Variants in SF3B1 observed in about 807,000 individuals in gnomAD.
SF3B1 encodes splicing factor 3b subunit 1, also known as pre-mRNA processing 10.
SF3B1 carries 12 observed loss-of-function variants against 153.8 expected under a neutral mutation model. The ratio of observed to expected loss-of-function variants is 0.08; its 90% CI spans 0.05 to 0.13. The LOEUF (loss-of-function observed/expected upper bound fraction) is 0.13. Among genes scored for constraint, SF3B1 ranks in the 10% least tolerant of loss-of-function variants. SF3B1 has a pLI of 1.00. For missense variants in SF3B1, 513 were observed against 1,606.1 expected (o/e 0.32, Z 11.63); for synonymous variants, 498 against 525.2 (o/e 0.95, Z 0.71).
intron 6 of SF3B1, among the ~76,000 whole-genome samples, chr2:197,411,285 AGAGTT>A (rs903132108): frequency 3.9e-5 from 6 of 152,242 alleles, no homozygotes; most frequent in Non-Finnish European, 7.3e-5. Context: ...AAAGTAGCAT[AGAGTT>A]GAGTGTAAAG....
At chr2:197,427,895 T>G (rs1194805732) in intron 1 of SF3B1, among the ~76,000 whole-genome samples, 1 of 151,980 alleles carries the variant, frequency 6.6e-6, no homozygotes, top group Non-Finnish European at 1.5e-5. Context: ...GGTGGGTGCC[T>G]GGAATCCCAG....
intron 1 of SF3B1, among the ~76,000 whole-genome samples, chr2:197,430,617 C>A (rs1427861070): frequency 2.6e-5 from 4 of 152,186 alleles, no homozygotes; most frequent in Non-Finnish European, 5.9e-5. Flanking sequence ...CCAAACCCAG[C>A]TAATTTTTTT....
In SF3B1 at chr2:197,398,465, C is replaced by A; in HGVS notation, c.3130G>T (p.Asp1044Tyr). 1 of 1,613,488 alleles carries A rather than the reference C, an allele frequency of 6.2e-7. No individual in the cohort carries two copies. Among genetic ancestry groups the A allele is most frequent in the South Asian group, 1.1e-5 (1 of 90,988 alleles). The change falls in exon 21 of 25, where the codon GAC (aspartate) becomes TAC (tyrosine). Residue 1044 changes from aspartate (D) to tyrosine (Y), a missense_variant. By Grantham distance (160) the Asp-to-Tyr change is radical (BLOSUM62 -3). Around this residue, in one of 21 missense-constraint regions of SF3B1, gnomAD observed 17 missense variants for 246.2 expected, o/e 0.07. Transcript: ENST00000335508. ...ATGTGTGGGTAATCTGCTTACCTGT[C>A]AGCAATACGACCAACAAGATCAATA... Reference protein sequence around the residue: ...NCIDLVGRIADRGAEYVSARE... With the variant: ...NCIDLVGRIAYRGAEYVSARE...
At position 197,402,662 on chromosome 2, in the gene SF3B1, G is replaced by A. The variant is rs182621506; in HGVS notation, c.1971C>T (p.Ser657=). ...TAATACCAGTGTGTCTCGCTTGCCA[G>A]GACTTCTTGCTTTTGCACACAGCTT... ...FLKAVCKSKK[S]WQARHTGIKI... is the part of the protein sequence containing the mutation. The change falls in exon 14 of 25, where the codon TCC becomes TCT. Residue 657 remains serine, a synonymous_variant. Coordinates refer to ENST00000335508, the MANE Select transcript of SF3B1 (RefSeq NM_012433.4). This position sits in a 1 kb window ranked among gnomAD's most constrained non-coding sequence, Gnocchi z 4.6. 1.2e-6 allele frequency: 2 copies of A among 1,614,162 alleles called. No individual in the cohort carries two copies. Among genetic ancestry groups the A allele is most frequent in the Admixed American group, 3.3e-5 (2 of 60,014 alleles).
chr2:197,431,960 A>G (rs954166758), intron 1 of SF3B1, among the ~76,000 whole-genome samples: 5 of 152,016 alleles, frequency 3.3e-5, no homozygotes, highest in Non-Finnish European at 7.4e-5. Flanking sequence ...CCATCTCTAA[A>G]AAAAAATTGT....
intron 1 of SF3B1, among the ~76,000 whole-genome samples, chr2:197,428,185 C>T (rs752443319): frequency 4.6e-5 from 7 of 151,850 alleles, no homozygotes; most frequent in Non-Finnish European, 8.8e-5. Flanking sequence ...TTAGTCACTA[C>T]AGGTGCACAC....
chr2:197,416,047 G>C (rs1313007218), intron 6 of SF3B1, among the ~76,000 whole-genome samples: 4 of 138,586 alleles, frequency 2.9e-5, no homozygotes. Flanking sequence ...CAAACTCCTT[G>C]AGCTCAACCA....
At position 197,409,747 on chromosome 2, in the gene SF3B1, C is replaced by T. The variant is rs779610343; in HGVS notation, c.904+23G>A. On this transcript the variant is annotated intron_variant, in intron 7 of 24. Coordinates refer to ENST00000335508, the MANE Select transcript of SF3B1 (RefSeq NM_012433.4). ...CATATCACTCAACATTTCACCCACACACCCATACTCCACTAGAAGTACCTC... is the reference window on the plus strand; with the variant it reads ...CATATCACTCAACATTTCACCCACATACCCATACTCCACTAGAAGTACCTC... 21 of 1,543,926 alleles carry T rather than the reference C, an allele frequency of 1.4e-5. 1 individual carries two copies. In the Admixed American group the frequency reaches 3.5e-4, roughly 26 times the overall value.
chr2:197,392,835 G>GT, intron 24 of SF3B1, 137 bp downstream of exon 24: 1 of 623,858 alleles, frequency 1.6e-6, no homozygotes, highest in Non-Finnish European at 2.8e-6. Context: ...TAGATGACAG[G>GT]TTGATAGGTG....
intron 9 of SF3B1, among the ~76,000 whole-genome samples, chr2:197,406,104 G>A: frequency 6.9e-6 from 1 of 145,320 alleles, no homozygotes; most frequent in Non-Finnish European, 1.5e-5. Context: ...TTTTAAAGCT[G>A]GTAACAGACT....
At chr2:197,434,853 C>G in intron 1 of SF3B1, 119 bp downstream of exon 1, 1 of 1,115,426 alleles carries the variant, frequency 9.0e-7, no homozygotes, top group Non-Finnish European at 1.3e-6. Context: ...GACCCTTGGC[C>G]CCGAAACGCG....
At chr2:197,393,859 G>A (rs1213762108) in intron 23 of SF3B1, among the ~76,000 whole-genome samples, 1 of 152,184 alleles carries the variant, frequency 6.6e-6, no homozygotes, top group East Asian at 1.9e-4. Context: ...ATAATAAACA[G>A]TAATATTTTA....
rs1559260870 is a variant in SF3B1, at chr2:197,390,033, G to A, written c.*2270C>T. On this transcript the variant is annotated 3_prime_UTR_variant, in exon 25 of 25. Transcript: ENST00000335508. Reference sequence around the variant, plus strand: ...AAAGAAAAGGTCTTTGAGAAGATAGGTAAAACTTCACATAGCGTCTTCCAC... The same window carrying A: ...AAAGAAAAGGTCTTTGAGAAGATAGATAAAACTTCACATAGCGTCTTCCAC... 1 of 152,152 alleles carries A rather than the reference G, an allele frequency of 6.6e-6. No homozygotes were observed. Among genetic ancestry groups the A allele is most frequent in the African/African-American group, 2.4e-5 (1 of 41,422 alleles). The allele number at this position is 152,152 out of a possible 1,614,324, so 9.4% of individuals were successfully genotyped here.
chr2:197,403,182 C>A, intron 12 of SF3B1, 147 bp from the exon 13 acceptor site: 2 of 649,906 alleles, frequency 3.1e-6, no homozygotes, highest in South Asian at 4.1e-5. Context: ...TTTAATTATA[C>A]AAGTTCAAAC....
intron 1 of SF3B1, among the ~76,000 whole-genome samples, chr2:197,434,700 G>C (rs1351088969): frequency 6.6e-6 from 1 of 152,178 alleles, no homozygotes; most frequent in Admixed American, 6.5e-5. Context: ...TGAGGAAGCC[G>C]CTTAAACGAG....
At chr2:197,425,054 G>A (rs1057310561) in intron 1 of SF3B1, among the ~76,000 whole-genome samples, 2 of 152,244 alleles carry the variant, frequency 1.3e-5, no homozygotes, top group Admixed American at 6.5e-5. Context: ...AGCTACTCAG[G>A]AGGCTGAGGC....
At chr2:197,398,962 C>T (rs1459183489) in intron 20 of SF3B1, 3 of 973,526 alleles carry the variant, frequency 3.1e-6, no homozygotes, top group Admixed American at 4.6e-5. Context: ...AGAAAGGGCC[C>T]CCTTACCCTT....
chr2:197,395,574 G>A (rs1252730490), intron 23 of SF3B1, among the ~76,000 whole-genome samples: 5 of 152,194 alleles, frequency 3.3e-5, no homozygotes, highest in Non-Finnish European at 1.5e-5. Context: ...AACTTGAACA[G>A]TACTCTACTG....
intron 6 of SF3B1, among the ~76,000 whole-genome samples, chr2:197,413,899 C>A (rs1436239605): frequency 6.6e-6 from 1 of 152,040 alleles, no homozygotes; most frequent in Non-Finnish European, 1.5e-5. Context: ...CTCCACCTCC[C>A]GGGTTCAAGT....
Sources: gnomAD v4.1 joint callset for allele counts (sites outside exome capture counted in the v4.1 genomes callset) on GRCh38, gnomAD v4.1.1 for gene constraint, gnomAD v4.1.1 regional missense constraint, Gnocchi (gnomAD v3.1) non-coding constraint, MANE v1.5 for transcripts, NCBI Gene and HGNC (gene_info 2026-07-23, HGNC 2026-07-21) for gene names.